Variants in RSRC1 observed in about 807,000 individuals in gnomAD.
RSRC1 encodes the protein serine/Arginine-related protein 53.
Under a neutral mutation model 49.1 loss-of-function variants are expected in RSRC1, and 39 were observed. The ratio of observed to expected loss-of-function variants is 0.79; its 90% CI spans 0.61 to 1.04. RSRC1 has a LOEUF of 1.04. Ranked by LOEUF, RSRC1 falls within the 50% of genes least tolerant of loss-of-function variation. The pLI is 0.00. For missense variants in RSRC1, 388 were observed against 402.4 expected, an observed-to-expected ratio of 0.96 and a Z score of 0.31; for synonymous variants, 143 against 130.8, an observed-to-expected ratio of 1.09 and a Z score of -0.63.
chr3:158,511,736 C>T (rs1180235039), intron 7 of RSRC1, among the ~76,000 whole-genome samples: 1 of 152,142 alleles, frequency 6.6e-6, no homozygotes, highest in Non-Finnish European at 1.5e-5. Context: ...TACAGTCCCA[C>T]CAACAGTGTA....
chr3:158,321,543 T>C (rs1050188861), intron 5 of RSRC1, among the ~76,000 whole-genome samples: 1 of 150,782 alleles, frequency 6.6e-6, no homozygotes, highest in African/African-American at 2.4e-5. Context: ...TGCTTTACCA[T>C]GTTGGTATAT....
chr3:158,425,570 A>G (rs570490407), intron 6 of RSRC1, among the ~76,000 whole-genome samples: 29 of 151,794 alleles, frequency 1.9e-4, no homozygotes, highest in African/African-American at 5.3e-4. Flanking sequence ...TTGATTTGGG[A>G]TGGAGAGTTC....
At chr3:158,374,861 T>A (rs1339787353) in intron 6 of RSRC1, among the ~76,000 whole-genome samples, 1 of 152,138 alleles carries the variant, frequency 6.6e-6, no homozygotes, top group Non-Finnish European at 1.5e-5. Context: ...AAGGAATATG[T>A]TAAAACCTAT....
intron 5 of RSRC1, among the ~76,000 whole-genome samples, chr3:158,346,051 A>G (rs1730537412): frequency 6.6e-6 from 1 of 152,140 alleles, no homozygotes; most frequent in Non-Finnish European, 1.5e-5. Flanking sequence ...TAAATGTAAA[A>G]CAAAACTATA....
chr3:158,475,424 A>G (rs903804309), intron 7 of RSRC1, among the ~76,000 whole-genome samples: 1 of 152,192 alleles, frequency 6.6e-6, no homozygotes, highest in South Asian at 2.1e-4. Flanking sequence ...TAATGATTGC[A>G]CTTTGACAAT....
At chr3:158,383,463 TAAAG>T (rs1339989074) in intron 6 of RSRC1, among the ~76,000 whole-genome samples, 2 of 152,050 alleles carry the variant, frequency 1.3e-5, no homozygotes, top group East Asian at 3.8e-4. Context: ...GTGCAGATCT[TAAAG>T]AAAAGGAGGC....
At chr3:158,396,102 C>T (rs4021884) in intron 6 of RSRC1, among the ~76,000 whole-genome samples, 20,486 of 152,058 alleles carry the variant, frequency 0.13, 1,497 homozygotes, top group Middle Eastern at 0.2. Context: ...CCAAATGCTG[C>T]GTGTCCTCAC....
chr3:158,422,643 A>G (rs1450752458), intron 6 of RSRC1, among the ~76,000 whole-genome samples: 12 of 150,880 alleles, frequency 8.0e-5, no homozygotes, highest in Non-Finnish European at 1.8e-4. Context: ...TCCCTGAGGA[A>G]TCGCCACACT....
intron 3 of RSRC1, among the ~76,000 whole-genome samples, chr3:158,166,102 A>G (rs888800840): frequency 3.3e-5 from 5 of 152,146 alleles, no homozygotes; most frequent in African/African-American, 4.8e-5. Flanking sequence ...TTTTGCACCT[A>G]TCCCCACAAG....
chr3:158,425,144 CTT>C (rs1229806191), intron 6 of RSRC1, among the ~76,000 whole-genome samples: 1 of 151,710 alleles, frequency 6.6e-6, no homozygotes, highest in East Asian at 1.9e-4. Flanking sequence ...TTTGCTCTTG[CTT>C]TTCTAGTTCT....
intron 3 of RSRC1, among the ~76,000 whole-genome samples, chr3:158,137,378 G>A (rs1430604995): frequency 6.8e-6 from 1 of 146,344 alleles, no homozygotes; most frequent in Non-Finnish European, 1.5e-5. Flanking sequence ...AGGTTTTATG[G>A]AGATATATAA....
rs565335929 is a variant in RSRC1 at position 158,351,470 on chromosome 3, A to C, written c.532-3387A>C. Reference sequence around the variant, plus strand: ...TTACTTTTAAAAGTTTGATCAATGTAACAGTATATCCCCATAGTTGGAGTT... The same window carrying C: ...TTACTTTTAAAAGTTTGATCAATGTCACAGTATATCCCCATAGTTGGAGTT... On this transcript the variant is annotated intron_variant, in intron 5 of 9. Transcript: ENST00000611884. Among the ~76,000 whole-genome samples the C allele has an allele frequency of 2.6e-5, 4 of 152,388 alleles. 1 individual carries two copies. In the South Asian group the frequency reaches 8.3e-4, roughly 32 times the overall value.
chr3:158,349,420 G>T (rs1004421396), intron 5 of RSRC1, among the ~76,000 whole-genome samples: 1 of 151,962 alleles, frequency 6.6e-6, no homozygotes, highest in Non-Finnish European at 1.5e-5. Context: ...TTTTTAATGG[G>T]ACCGTTTGTG....
intron 6 of RSRC1, among the ~76,000 whole-genome samples, chr3:158,358,853 G>C (rs1731308330): frequency 6.6e-6 from 1 of 151,670 alleles, no homozygotes; most frequent in Admixed American, 6.6e-5. Flanking sequence ...CCTATAATCT[G>C]TGACCTTGTG....
In RSRC1 at chr3:158,196,504, C is replaced by A. The variant is rs930461608; in HGVS notation, c.321-6568C>A. The stretch of plus-strand genomic sequence containing the variant: ...GAATACCCTTTATTTCCTTCTCCTG[C>A]CTGATTGCCCTGGCCAGAACTTCTA... On this transcript the variant is annotated intron_variant, in intron 3 of 9. Transcript: ENST00000611884. Among the ~76,000 whole-genome samples, 88 of 152,144 alleles carry A rather than the reference C, an allele frequency of 5.8e-4. 1 individual carries two copies. Among genetic ancestry groups the A allele is most frequent in the Non-Finnish European group, 1.1e-3 (75 of 68,026 alleles).
intron 7 of RSRC1, among the ~76,000 whole-genome samples, chr3:158,519,251 C>T (rs548674806): frequency 1.3e-5 from 2 of 152,122 alleles, no homozygotes; most frequent in Admixed American, 1.3e-4. Context: ...GGGTGTTCAC[C>T]ATTTCTTGCC....
At chr3:158,192,576 C>T (rs1468777977) in intron 3 of RSRC1, among the ~76,000 whole-genome samples, 1 of 151,976 alleles carries the variant, frequency 6.6e-6, no homozygotes, top group East Asian at 1.9e-4. Flanking sequence ...GACCTCACTG[C>T]TAATTGCAGT....
At chr3:158,240,713 A>G (rs1321145862) in intron 4 of RSRC1, among the ~76,000 whole-genome samples, 2 of 152,184 alleles carry the variant, frequency 1.3e-5, no homozygotes, top group Non-Finnish European at 2.9e-5. Flanking sequence ...TTTTCAGTAA[A>G]TAACAAGTTA....
At chr3:158,132,248 A>G (rs1716084372) in intron 3 of RSRC1, 1 of 331,290 alleles carries the variant, frequency 3.0e-6, no homozygotes, top group Non-Finnish European at 6.5e-6. Flanking sequence ...GGCCTCACTA[A>G]GTGCAGGGAT....
Sources: gnomAD v4.1 joint callset for allele counts (sites outside exome capture counted in the v4.1 genomes callset) on GRCh38, gnomAD v4.1.1 for gene constraint, MANE v1.5 for transcripts, NCBI Gene and HGNC (gene_info 2026-07-23, HGNC 2026-07-21) for gene names.